Variants in ACACB observed in about 807,000 individuals in gnomAD.
ACACB encodes the protein acetyl-CoA carboxylase 2.
ACACB carries 209 observed loss-of-function variants against 278.8 expected under a neutral mutation model. The ratio of observed to expected loss-of-function variants is 0.75; its 90% CI spans 0.67 to 0.84. The LOEUF (loss-of-function observed/expected upper bound fraction) is 0.84. ACACB is among the 40% of genes least tolerant of loss of function. ACACB has a pLI of 0.00. For missense variants in ACACB, 2,850 were observed against 3,269.0 expected, an observed-to-expected ratio of 0.87 and a Z score of 3.13; for synonymous variants, 1,174 against 1,285.6, an observed-to-expected ratio of 0.91 and a Z score of 1.86.
intron 13 of ACACB, among the ~76,000 whole-genome samples, 199 bp downstream of exon 13, chr12:109,188,361 C>T (rs1176419298): frequency 1.3e-5 from 2 of 148,298 alleles, no homozygotes; most frequent in African/African-American, 2.5e-5. Context: ...TTTCTTCCTT[C>T]CTTCCTCCCC....
At chr12:109,253,366 T>A (rs2047146406) in intron 43 of ACACB, among the ~76,000 whole-genome samples, 1 of 152,190 alleles carries the variant, frequency 6.6e-6, no homozygotes, top group South Asian at 2.1e-4. Flanking sequence ...GTGGCACTAA[T>A]GCCATTGTAA....
At chr12:109,220,423 A>G (rs2046125839) in intron 24 of ACACB, among the ~76,000 whole-genome samples, 1 of 152,228 alleles carries the variant, frequency 6.6e-6, no homozygotes, top group African/African-American at 2.4e-5. Flanking sequence ...ACACCAGTTC[A>G]CTGGTCATGG....
intron 40 of ACACB, chr12:109,248,971 G>A (rs1288181109): frequency 6.6e-6 from 1 of 152,208 alleles, no homozygotes; most frequent in Non-Finnish European, 1.5e-5. Context: ...AATATGGGCC[G>A]AGGGTGATAT....
chr12:109,221,894 T>TTTGGG lies in ACACB; in HGVS notation c.3565-613_3565-612insTTGGG, dbSNP rs372053398. On this transcript the variant is annotated intron_variant, in intron 24 of 52. Transcript: ENST00000338432. The stretch of plus-strand genomic sequence containing the variant: ...AATCACTGACCTTTTTTTTTTTTTT[T>TTTGGG]GGGGGGGAGACAGAGTCTGGCTCTG... Among the ~76,000 whole-genome samples, 24 of 128,294 alleles carry TTTGGG rather than the reference T, an allele frequency of 1.9e-4. 1 individual carries two copies. Among genetic ancestry groups the TTTGGG allele is most frequent in the African/African-American group, 6.9e-4 (22 of 31,990 alleles). The allele number at this position is 128,294 out of a possible 152,430, so 84.2% of individuals were successfully genotyped here. A position where few individuals can be genotyped will look rare whatever the true frequency, so the allele number is the denominator to read the frequency against.
chr12:109,179,064 A>G, intron 9 of ACACB, 24 bp from the exon 10 acceptor site: 1 of 1,604,356 alleles, frequency 6.2e-7, no homozygotes, highest in Non-Finnish European at 8.5e-7. Flanking sequence ...CATGAAGATC[A>G]GGCTGCTCTG....
rs1238405751 is a variant in ACACB, at chr12:109,252,998, A to G, written c.5902-17A>G. ...TGCACCGTGCAGGACATTGCTAACCATGTTGTGTCAAAGCAGGTCCTGGGA... is the reference window on the plus strand; with the variant it reads ...TGCACCGTGCAGGACATTGCTAACCGTGTTGTGTCAAAGCAGGTCCTGGGA... On this transcript the variant is annotated splice_polypyrimidine_tract_variant and intron_variant, in intron 42 of 52. Coordinates refer to ENST00000338432, the MANE Select transcript of ACACB (RefSeq NM_001093.4). The G allele has an allele frequency of 1.3e-6, 2 of 1,593,312 alleles. No individual in the cohort carries two copies. Among genetic ancestry groups the G allele is most frequent in the Non-Finnish European group, 1.7e-6 (2 of 1,169,154 alleles).
intron 50 of ACACB, 52 bp from the exon 51 acceptor site, chr12:109,265,058 T>G: frequency 1.9e-6 from 3 of 1,558,974 alleles, no homozygotes; most frequent in Non-Finnish European, 2.6e-6. Flanking sequence ...TCAGAGCCAG[T>G]GTCCCGTCTC....
chr12:109,117,594 A>ACCC (rs1477952762), intron 1 of ACACB, among the ~76,000 whole-genome samples: 3 of 151,194 alleles, frequency 2.0e-5, no homozygotes, highest in Admixed American at 1.3e-4. Context: ...TTTGGTATAA[A>ACCC]CCCCCCAGAC....
chr12:109,214,219 G>A (rs569892647), intron 22 of ACACB, among the ~76,000 whole-genome samples: 10 of 152,188 alleles, frequency 6.6e-5, no homozygotes, highest in East Asian at 3.9e-4. Context: ...CTGTGATCGC[G>A]CCATTGCACT....
chr12:109,217,204 C>A (rs1436976009), intron 24 of ACACB, among the ~76,000 whole-genome samples: 1 of 152,184 alleles, frequency 6.6e-6, no homozygotes, highest in Non-Finnish European at 1.5e-5. Flanking sequence ...ATCGCTTGAA[C>A]CCTGAAGGCA....
intron 44 of ACACB, among the ~76,000 whole-genome samples, chr12:109,255,345 T>C (rs1318556344): frequency 6.6e-6 from 1 of 152,158 alleles, no homozygotes; most frequent in Admixed American, 6.5e-5. Context: ...GCAGGAGAGG[T>C]GACCCTCGGG....
intron 1 of ACACB, among the ~76,000 whole-genome samples, chr12:109,139,117 T>C (rs2043037758): frequency 6.6e-6 from 1 of 152,182 alleles, no homozygotes. Flanking sequence ...CTTCATATAC[T>C]TGGAATCGTA....
In ACACB at chr12:109,264,269, G is replaced by C. The variant is rs768347083; in HGVS notation, c.6825G>C (p.Leu2275=). The C allele has an allele frequency of 2.5e-6, 4 of 1,614,164 alleles. No homozygotes were observed. In the South Asian group the frequency reaches 3.3e-5, roughly 13 times the overall value. Residue 2275 remains leucine (L), a synonymous_variant, in exon 50 of 53, where the codon CTG becomes CTC. Transcript: ENST00000338432. ...TCTCCGACAAGGACCGAAAGGACCT[G>C]GAGGGCCGGCTAAAGGCTCGCGAGG... ...PDLSDKDRKD[L]EGRLKAREDL... is the part of the protein sequence containing the mutation.
chr12:109,262,213 A>G, intron 48 of ACACB, 144 bp from the exon 49 acceptor site: 1 of 621,854 alleles, frequency 1.6e-6, no homozygotes, highest in Non-Finnish European at 2.9e-6. Flanking sequence ...GTCTAAGGGC[A>G]CACAGCATGT....
Position 109,224,532 on chromosome 12 carries a change from T to TTTATTATTA in ACACB, c.3882+643_3882+651dup, listed in dbSNP as rs34249818. 2.0e-3 allele frequency among the ~76,000 whole-genome samples: 299 copies of TTTATTATTA among 150,004 alleles called. 1 individual carries two copies. The highest frequency in any genetic ancestry group is 6.1e-3 in the African/African-American group (246 of 40,372). Reference sequence around the variant, plus strand: ...GAAATCAGAGTTTTAAATCTGCTCTTTTATTATTATTATTATTATTATTTT... The same window carrying TTTATTATTA: ...GAAATCAGAGTTTTAAATCTGCTCTTTTATTATTATTATTATTATTATTATTATTATTTT... On this transcript the variant is annotated intron_variant, in intron 27 of 52. Transcript: ENST00000338432.
chr12:109,179,941 G>A lies in ACACB; in HGVS notation c.1672G>A (p.Val558Met), dbSNP rs556775153. 2.7e-5 allele frequency: 44 copies of A among 1,610,310 alleles called. No individual in the cohort carries two copies. The highest frequency in any genetic ancestry group is 1.7e-4 in the Middle Eastern group (1 of 5,962). ...EQCAIRLAKT[V>M]GYVSAGTVEY... ...GTGTGCCATCCGCCTGGCCAAGACCGTGGGCTATGTGAGTGCAGGGACAGT... is the reference window on the plus strand; with the variant it reads ...GTGTGCCATCCGCCTGGCCAAGACCATGGGCTATGTGAGTGCAGGGACAGT... The change falls in exon 11 of 53, where the codon GTG (valine) becomes ATG (methionine). Residue 558 changes from valine to methionine, a missense_variant. Physicochemically the swap from Val to Met is conservative, Grantham distance 21. This residue lies in a region of ACACB where 2,265 missense variants were observed against 2,561.3 expected (regional missense o/e 0.88). Coordinates refer to ENST00000338432, the MANE Select transcript of ACACB (RefSeq NM_001093.4).
chr12:109,167,957 C>T lies in ACACB; in HGVS notation c.848C>T (p.Ala283Val). 6.2e-7 allele frequency: 1 copy of T among 1,613,974 alleles called. No homozygotes were observed. The highest frequency in any genetic ancestry group is 8.5e-7 in the Non-Finnish European group (1 of 1,179,982). The change falls in exon 4 of 53, where the codon GCC becomes GTC. Residue 283 changes from alanine to valine, a missense_variant. Coordinates refer to ENST00000338432, the MANE Select transcript of ACACB (RefSeq NM_001093.4). ...TGCATGCGCTCCATCCGCAGGTGGG[C>T]CTATGAGATGTTCCGCAACGAGCGG... Reference protein sequence around the residue: ...VKCMRSIRRWAYEMFRNERAI... With the variant: ...VKCMRSIRRWVYEMFRNERAI...
rs771226382 is a variant in ACACB, at chr12:109,239,916, C to G, written c.4749C>G (p.Thr1583=). The change falls in exon 35 of 53, where the codon ACC becomes ACG. Residue 1583 remains threonine, a synonymous_variant. Transcript: ENST00000338432. ...MDELEVAFNN[T]SVRTDCNHIF... ...AGCTGGAGGTGGCGTTCAATAACAC[C>G]AGCGTGCGCACCGACTGCAACCACA... 40 of 1,614,208 alleles carry G rather than the reference C, an allele frequency of 2.5e-5. No homozygotes were observed. The East Asian group carries it at 3.8e-4, about 15-fold the overall frequency.
chr12:109,233,648 T>G (rs139295247), intron 29 of ACACB, 100 bp from the exon 30 acceptor site: 2 of 963,346 alleles, frequency 2.1e-6, no homozygotes, highest in Admixed American at 2.0e-5. Context: ...GGCTGGGAAA[T>G]TGGGAGGGTC....
Sources: allele counts gnomAD v4.1 joint callset (sites outside exome capture counted in the v4.1 genomes callset), GRCh38; gene constraint gnomAD v4.1.1; regional missense constraint gnomAD v4.1.1; transcripts MANE v1.5; gene names NCBI Gene and HGNC (gene_info 2026-07-23, HGNC 2026-07-21).